The following KDM4C variants were observed in gnomAD, a reference collection of about 807,000 sequenced individuals.
KDM4C encodes the protein lysine-specific demethylase 4C.
A neutral mutation model predicts 129.3 loss-of-function variants in KDM4C; 81 were observed. That is an observed-to-expected ratio of 0.63 (90% CI 0.52 to 0.75). The LOEUF is 0.75. Ranked by LOEUF, KDM4C falls within the 30% of genes least tolerant of loss-of-function variation. The pLI, the probability that KDM4C is intolerant of heterozygous loss-of-function variation, is 0.00. For synonymous variants in KDM4C, 573 were observed against 456.1 expected, an observed-to-expected ratio of 1.26 and a Z score of -3.26; for missense variants, 1,457 against 1,304.0, an observed-to-expected ratio of 1.12 and a Z score of -1.81.
At chr9:6,907,778 C>T (rs11791070) in intron 8 of KDM4C, among the ~76,000 whole-genome samples, 52 of 152,234 alleles carry the variant, frequency 3.4e-4, no homozygotes, top group Admixed American at 1.5e-3. Context: ...GATAAAATGG[C>T]GTTCTTTATT....
At chr9:6,740,570 G>A (rs1210679142) in intron 1 of KDM4C, among the ~76,000 whole-genome samples, 14 of 151,948 alleles carry the variant, frequency 9.2e-5, no homozygotes. Flanking sequence ...CCAGGATCTA[G>A]TGCAGTGGCA....
chr9:6,782,864 T>A (rs1167103156), intron 1 of KDM4C, among the ~76,000 whole-genome samples: 1 of 152,066 alleles, frequency 6.6e-6, no homozygotes, highest in East Asian at 1.9e-4. Context: ...CAGCAAAGAC[T>A]CTTGGGGTGG....
At chr9:6,959,889 A>G (rs1034067617) in intron 8 of KDM4C, among the ~76,000 whole-genome samples, 2 of 152,118 alleles carry the variant, frequency 1.3e-5, no homozygotes, top group South Asian at 4.1e-4. Context: ...AGCCTGACCT[A>G]AGATTATGGT....
At chr9:6,999,244 A>C (rs1417966344) in intron 12 of KDM4C, among the ~76,000 whole-genome samples, 1 of 152,244 alleles carries the variant, frequency 6.6e-6, no homozygotes, top group Non-Finnish European at 1.5e-5. Flanking sequence ...TAGATTTGCC[A>C]GTCTTAATTT....
chr9:7,076,279 C>T (rs1013892965), intron 17 of KDM4C, among the ~76,000 whole-genome samples: 2 of 152,276 alleles, frequency 1.3e-5, no homozygotes, highest in Non-Finnish European at 2.9e-5. Flanking sequence ...TTTAAGGAAA[C>T]ATAAATGGTA....
intron 15 of KDM4C, among the ~76,000 whole-genome samples, chr9:7,023,826 G>T (rs974932693): frequency 3.3e-5 from 5 of 151,962 alleles, no homozygotes; most frequent in Admixed American, 1.3e-4. Flanking sequence ...TTGGTGTGTT[G>T]TGTTTCTGTT....
intron 8 of KDM4C, among the ~76,000 whole-genome samples, chr9:6,909,897 A>G (rs540402856): frequency 1.3e-5 from 2 of 152,344 alleles, no homozygotes; most frequent in African/African-American, 4.8e-5. Context: ...TCATTGGTGG[A>G]CACCATGAAA....
chr9:6,862,799 T>G (rs951358411), intron 5 of KDM4C, among the ~76,000 whole-genome samples: 20 of 146,496 alleles, frequency 1.4e-4, no homozygotes, highest in African/African-American at 4.7e-4. Flanking sequence ...AGAGCGAGAC[T>G]TTGTCTCAAA....
At position 7,011,884 on chromosome 9, in the gene KDM4C, A is replaced by G; in HGVS notation, c.1968+5A>G. The stretch of plus-strand genomic sequence containing the variant: ...CTGCTCATGCCGTACCACAAGGTAA[A>G]GGAGCCTGCTATCATAGTTCCCTTC... On this transcript the variant is annotated splice_donor_5th_base_variant and intron_variant, in intron 13 of 21. Coordinates refer to ENST00000381309, the MANE Select transcript of KDM4C (RefSeq NM_015061.6). The G allele has an allele frequency of 6.2e-7, 1 of 1,611,174 alleles. No individual in the cohort carries two copies. The highest frequency in any genetic ancestry group is 1.1e-5 in the South Asian group (1 of 90,992).
At chr9:6,889,424 A>T (rs141997439) in intron 7 of KDM4C, among the ~76,000 whole-genome samples, 1 of 151,974 alleles carries the variant, frequency 6.6e-6, no homozygotes, top group Non-Finnish European at 1.5e-5. Context: ...CGTTTTTACC[A>T]TGAAAAAATC....
rs555539304 is a variant in KDM4C, at chr9:6,954,259, T to C, written c.922-26666T>C. Among the ~76,000 whole-genome samples the C allele has an allele frequency of 3.0e-4, 46 of 152,322 alleles. No homozygotes were observed. In the East Asian group the frequency reaches 7.9e-3, roughly 26 times the overall value. On this transcript the variant is annotated intron_variant, in intron 8 of 21. Coordinates refer to ENST00000381309, the MANE Select transcript of KDM4C (RefSeq NM_015061.6). ...AATATGACTTTCTCCTCTTTTCTCC[T>C]GAGACTCTTGGAATGTCTGCTTAGT...
chr9:7,107,640 A>G (rs1480235021), intron 18 of KDM4C, among the ~76,000 whole-genome samples: 1 of 152,184 alleles, frequency 6.6e-6, no homozygotes, highest in East Asian at 1.9e-4. Flanking sequence ...TTTTTTCTTA[A>G]TATTCTTTCC....
chr9:6,947,431 C>A (rs546326906), intron 8 of KDM4C, among the ~76,000 whole-genome samples: 2 of 152,096 alleles, frequency 1.3e-5, no homozygotes, highest in African/African-American at 2.4e-5. Flanking sequence ...ATAAGAAGAG[C>A]TGTTTGTTTA....
chr9:6,816,563 C>T (rs1022037685), intron 4 of KDM4C, among the ~76,000 whole-genome samples: 18 of 152,152 alleles, frequency 1.2e-4, no homozygotes, highest in African/African-American at 4.3e-4. Context: ...TACTTCATAC[C>T]TTATACCTTC....
intron 4 of KDM4C, among the ~76,000 whole-genome samples, chr9:6,817,917 A>G (rs543018071): frequency 6.6e-6 from 1 of 151,886 alleles, no homozygotes; most frequent in Non-Finnish European, 1.5e-5. Flanking sequence ...CAGGCACGTG[A>G]CACCATGCCC....
At chr9:6,975,227 T>C (rs1305534474) in intron 8 of KDM4C, among the ~76,000 whole-genome samples, 1 of 152,194 alleles carries the variant, frequency 6.6e-6, no homozygotes, top group Non-Finnish European at 1.5e-5. Flanking sequence ...AAGAAACTTA[T>C]TTTGGAAAAT....
chr9:6,748,260 C>A (rs573837882), intron 1 of KDM4C, among the ~76,000 whole-genome samples: 3 of 151,872 alleles, frequency 2.0e-5, no homozygotes, highest in South Asian at 4.2e-4. Flanking sequence ...GTAATCCCAG[C>A]ACTTTGGGAG....
intron 1 of KDM4C, among the ~76,000 whole-genome samples, chr9:6,779,784 C>G (rs1588209809): frequency 6.6e-6 from 1 of 152,164 alleles, no homozygotes; most frequent in South Asian, 2.1e-4. Flanking sequence ...AAACTGATGA[C>G]AATGGCAAGT....
intron 8 of KDM4C, among the ~76,000 whole-genome samples, chr9:6,903,021 A>G (rs1032893513): frequency 2.6e-5 from 4 of 152,128 alleles, no homozygotes; most frequent in African/African-American, 9.7e-5. Context: ...ACCATCCTGG[A>G]TGGTAGAGAT....
Sources: allele counts gnomAD v4.1 joint callset (sites outside exome capture counted in the v4.1 genomes callset), GRCh38; gene constraint gnomAD v4.1.1; transcripts MANE v1.5; gene names NCBI Gene and HGNC (gene_info 2026-07-23, HGNC 2026-07-21).